Variants in ATP6V1E1 observed in about 807,000 individuals in gnomAD.
ATP6V1E1 encodes the protein V-type proton ATPase subunit E 1.
In ATP6V1E1, 21 loss-of-function variants were observed where a neutral mutation model predicts 35.2. That is an observed-to-expected ratio of 0.60 (90% confidence interval 0.42 to 0.86). The LOEUF (loss-of-function observed/expected upper bound fraction) is 0.86. Ranked by LOEUF, ATP6V1E1 falls within the 40% of genes least tolerant of loss-of-function variation. ATP6V1E1 has a pLI of 0.00. For synonymous variants in ATP6V1E1, 83 were observed against 87.8 expected, an observed-to-expected ratio of 0.95 and a Z score of 0.30; for missense variants, 183 against 272.6, an observed-to-expected ratio of 0.67 and a Z score of 2.32.
chr22:17,592,798 A>AACT, intron 8 of ATP6V1E1, 62 bp from the exon 9 acceptor site: 1 of 1,158,616 alleles, frequency 8.6e-7, no homozygotes, highest in Non-Finnish European at 1.2e-6. Flanking sequence ...AGCGCTGCAC[A>AACT]TCTTTTTTTT....
intron 4 of ATP6V1E1, among the ~76,000 whole-genome samples, chr22:17,606,088 T>C (rs1410269555): frequency 6.6e-6 from 1 of 152,164 alleles, no homozygotes; most frequent in Non-Finnish European, 1.5e-5. Flanking sequence ...GCCTGCACTC[T>C]TAATCCTGGA....
intron 7 of ATP6V1E1, among the ~76,000 whole-genome samples, chr22:17,596,625 T>G (rs577761754): frequency 6.6e-6 from 1 of 152,124 alleles, no homozygotes; most frequent in South Asian, 2.1e-4. Context: ...TATTCTGTTA[T>G]AGCAACACTA....
Position 17,613,113 on chromosome 22 carries a change from C to T in ATP6V1E1, c.209+98G>A, listed in dbSNP as rs7284200. ...ATTTGTCAGATTAGTAGTAGGTGGT[C>T]GAGTTAAGACCTGAATTTATATATG... On this transcript the variant is annotated intron_variant, in intron 3 of 8. Transcript: ENST00000253413. 0.017 allele frequency: 17,193 copies of T among 1,033,792 alleles called. 1,978 individuals carry two copies. The African/African-American group carries it at 0.25, about 15-fold the overall frequency. The allele number at this position is 1,033,792 out of a possible 1,614,324, so 64.0% of individuals were successfully genotyped here. A position where few individuals can be genotyped will look rare whatever the true frequency, so the allele number is the denominator to read the frequency against.
intron 1 of ATP6V1E1, among the ~76,000 whole-genome samples, chr22:17,627,409 G>A (rs892210486): frequency 2.0e-5 from 3 of 151,888 alleles, no homozygotes; most frequent in East Asian, 3.9e-4. Flanking sequence ...TATTACAGAC[G>A]TGAGCCACCA....
intron 4 of ATP6V1E1, among the ~76,000 whole-genome samples, chr22:17,604,526 C>CTTTTTTT (rs66549570): frequency 0.11 from 15,729 of 144,674 alleles, 1,074 homozygotes; most frequent in African/African-American, 0.18. Flanking sequence ...TTTGTTTTCT[C>CTTTTTTT]TTTTTTTTTT....
chr22:17,625,472 G>GTCTGAAACTCCCAACCTCAGGTGA (rs2057899247), intron 1 of ATP6V1E1, among the ~76,000 whole-genome samples: 1 of 149,376 alleles, frequency 6.7e-6, no homozygotes, highest in Non-Finnish European at 1.5e-5. Context: ...GGTCAGGCTG[G>GTCTGAAACTCCCAACCTCAGGTGA]TCTCAAACTC....
intron 2 of ATP6V1E1, among the ~76,000 whole-genome samples, chr22:17,618,327 T>C (rs1159021987): frequency 2.0e-5 from 3 of 152,174 alleles, no homozygotes; most frequent in Non-Finnish European, 4.4e-5. Context: ...AAAATTTATT[T>C]TTTAATGTTA....
At chr22:17,618,372 G>A (rs556288459) in intron 2 of ATP6V1E1, among the ~76,000 whole-genome samples, 2 of 152,146 alleles carry the variant, frequency 1.3e-5, no homozygotes, top group South Asian at 2.1e-4. Context: ...AATTTATTAA[G>A]GTAAAATTTA....
intron 4 of ATP6V1E1, among the ~76,000 whole-genome samples, chr22:17,603,777 G>T (rs949233117): frequency 6.6e-6 from 1 of 152,064 alleles, no homozygotes; most frequent in Non-Finnish European, 1.5e-5. Flanking sequence ...TTCAGATAAG[G>T]GATACACACC....
intron 2 of ATP6V1E1, among the ~76,000 whole-genome samples, chr22:17,615,786 A>G (rs1019114085): frequency 6.6e-6 from 1 of 152,086 alleles, no homozygotes; most frequent in Non-Finnish European, 1.5e-5. Flanking sequence ...TAATCCCAAC[A>G]CTTTGGGAGG....
intron 1 of ATP6V1E1, among the ~76,000 whole-genome samples, chr22:17,621,057 GTC>G (rs2057874492): frequency 6.6e-6 from 1 of 151,470 alleles, no homozygotes; most frequent in African/African-American, 2.4e-5. Context: ...GCGAGACTCT[GTC>G]TCAAAAAAAA....
chr22:17,600,194 G>A, intron 5 of ATP6V1E1, 99 bp from the exon 6 acceptor site: 1 of 1,094,252 alleles, frequency 9.1e-7, no homozygotes, highest in Non-Finnish European at 1.4e-6. Flanking sequence ...TAACACTTTG[G>A]AAGGCCAAGG....
intron 2 of ATP6V1E1, among the ~76,000 whole-genome samples, chr22:17,614,298 C>T (rs552840526): frequency 3.5e-5 from 5 of 143,712 alleles, no homozygotes; most frequent in East Asian, 4.3e-4. Flanking sequence ...TGCAGTGAGC[C>T]GAGATCGTGC....
chr22:17,593,009 C>T lies in ATP6V1E1; in HGVS notation c.619-273G>A, dbSNP rs187341859. ...TTCACCATGTTAGCCGGGATGGTCT[C>T]GATCTCCTGACCTCGTGATCCACCC... On this transcript the variant is annotated intron_variant, in intron 8 of 8. Coordinates refer to ENST00000253413, the MANE Select transcript of ATP6V1E1 (RefSeq NM_001696.4). Among the ~76,000 whole-genome samples, 4 of 152,096 alleles carry T rather than the reference C, an allele frequency of 2.6e-5. No individual in the cohort carries two copies. The East Asian group carries it at 7.7e-4, about 29-fold the overall frequency.
chr22:17,610,824 G>C (rs2057811831), intron 4 of ATP6V1E1, among the ~76,000 whole-genome samples: 2 of 152,144 alleles, frequency 1.3e-5, no homozygotes, highest in Admixed American at 6.5e-5. Flanking sequence ...TTAGAAGGAA[G>C]GGTTATCACT....
At chr22:17,618,159 A>G (rs2057856130) in intron 2 of ATP6V1E1, among the ~76,000 whole-genome samples, 1 of 152,220 alleles carries the variant, frequency 6.6e-6, no homozygotes, top group Non-Finnish European at 1.5e-5. Flanking sequence ...AAGCTAAACA[A>G]TGAAACACTA....
chr22:17,620,305 G>A (rs2057869338), intron 1 of ATP6V1E1, among the ~76,000 whole-genome samples: 1 of 151,704 alleles, frequency 6.6e-6, no homozygotes, highest in Non-Finnish European at 1.5e-5. Context: ...CCGCCACCAT[G>A]CCTGGCTAAT....
intron 7 of ATP6V1E1, among the ~76,000 whole-genome samples, chr22:17,597,243 TAAAA>T (rs113528640): frequency 3.6e-5 from 5 of 140,034 alleles, no homozygotes; most frequent in Admixed American, 2.2e-4. Context: ...CTGCCTGTCT[TAAAA>T]AAAAAAAAAA....
chr22:17,626,834 T>C (rs1026980334), intron 1 of ATP6V1E1, among the ~76,000 whole-genome samples: 2 of 151,892 alleles, frequency 1.3e-5, no homozygotes, highest in African/African-American at 2.4e-5. Flanking sequence ...CCAGACAGCC[T>C]GGCTTATTTT....
Sources: gnomAD v4.1 joint callset for allele counts (sites outside exome capture counted in the v4.1 genomes callset) on GRCh38, gnomAD v4.1.1 for gene constraint, MANE v1.5 for transcripts, NCBI Gene and HGNC (gene_info 2026-07-23, HGNC 2026-07-21) for gene names.